The following CLIC5 variants were observed in gnomAD, a reference collection of about 807,000 sequenced individuals.
CLIC5 encodes CLIC family member 5, also known as chloride intracellular channel protein 5.
Under a neutral mutation model 24.7 loss-of-function variants are expected in CLIC5, and 20 were observed. The ratio of observed to expected loss-of-function variants is 0.81; its 90% CI spans 0.57 to 1.18. CLIC5 has a LOEUF of 1.18. CLIC5 is among the 50% of genes most tolerant of loss of function. CLIC5 has a pLI of 0.00. For synonymous variants in CLIC5, 159 were observed against 135.6 expected (o/e 1.17, Z -1.20); for missense variants, 341 against 326.1 (o/e 1.05, Z -0.35).
At chr6:45,938,715 T>G (rs1477686576) in intron 4 of CLIC5, among the ~76,000 whole-genome samples, 1 of 152,186 alleles carries the variant, frequency 6.6e-6, no homozygotes, top group East Asian at 1.9e-4. Context: ...ATAGGAGAAC[T>G]GTAAATATGG....
At chr6:45,896,286 A>G (rs770620688), downstream of CLIC5, among the ~76,000 whole-genome samples, 3 of 152,224 alleles carry the variant, frequency 2.0e-5, no homozygotes, top group Non-Finnish European at 2.9e-5. Flanking sequence ...AGACCTTCCA[A>G]TAGATTGAAT....
intron 1 of CLIC5, among the ~76,000 whole-genome samples, chr6:46,004,728 C>T (rs559921553): frequency 6.6e-6 from 1 of 151,926 alleles, no homozygotes; most frequent in East Asian, 1.9e-4. Flanking sequence ...AGATCAGATC[C>T]CTGTTATATT....
At position 45,914,265 on chromosome 6, in the gene CLIC5, G is replaced by T; in HGVS notation, c.551C>A (p.Ala184Asp). ...GAGCTTGGGCAACAGATTGCAGTCAGCCAGGGTCAGCTCATCCCCATCCAG... is the reference window on the plus strand; with the variant it reads ...GAGCTTGGGCAACAGATTGCAGTCATCCAGGGTCAGCTCATCCCCATCCAG... ...KFLDGDELTL[A>D]DCNLLPKLHV... The change falls in exon 5 of 6, where the codon GCT becomes GAT. Residue 184 changes from alanine to aspartate, a missense_variant. By Grantham distance (126) the Ala-to-Asp change is moderately radical (BLOSUM62 -2). Transcript: ENST00000339561. 1 of 1,607,320 alleles carries T rather than the reference G, an allele frequency of 6.2e-7. No homozygotes were observed. Among genetic ancestry groups the T allele is most frequent in the East Asian group, 2.2e-5 (1 of 44,688 alleles).
intron 5 of CLIC5, among the ~76,000 whole-genome samples, chr6:45,909,031 T>G (rs1412652370): frequency 2.0e-5 from 3 of 151,756 alleles, no homozygotes; most frequent in Non-Finnish European, 4.4e-5. Context: ...TGTAATGCCC[T>G]TCTTTGTTCT....
chr6:46,103,994 G>C, the CLIC5 span, among the ~76,000 whole-genome samples: 1 of 152,100 alleles, frequency 6.6e-6, no homozygotes, highest in Non-Finnish European at 1.5e-5. Context: ...TTGATTAATA[G>C]GAGAAAAGGA....
intron 1 of CLIC5, among the ~76,000 whole-genome samples, chr6:46,057,957 A>G (rs557066487): frequency 6.6e-6 from 1 of 152,248 alleles, no homozygotes; most frequent in African/African-American, 2.4e-5. Flanking sequence ...AAATTCCTAC[A>G]TGACCTTTAC....
intron 1 of CLIC5, among the ~76,000 whole-genome samples, chr6:46,004,355 A>G (rs1438889992): frequency 6.6e-6 from 1 of 152,206 alleles, no homozygotes; most frequent in Non-Finnish European, 1.5e-5. Context: ...GCACAGAGGA[A>G]CAGCCACAGG....
the CLIC5 span, among the ~76,000 whole-genome samples, chr6:46,087,070 A>G: frequency 6.6e-6 from 1 of 152,188 alleles, no homozygotes; most frequent in Non-Finnish European, 1.5e-5. Flanking sequence ...GCTTACTTGC[A>G]TATGATCCCC....
chr6:45,987,149 T>G (rs144429862), intron 1 of CLIC5, among the ~76,000 whole-genome samples: 1 of 152,192 alleles, frequency 6.6e-6, no homozygotes, highest in Admixed American at 6.5e-5. Flanking sequence ...ACTTAGTTGG[T>G]ATGTGGGAAG....
chr6:46,105,616 T>G, the CLIC5 span, among the ~76,000 whole-genome samples: 2 of 152,156 alleles, frequency 1.3e-5, no homozygotes, highest in Non-Finnish European at 2.9e-5. Context: ...CTTAAGAAAC[T>G]CAGAAAAAGG....
the CLIC5 span, among the ~76,000 whole-genome samples, chr6:46,103,263 G>C: frequency 6.6e-6 from 1 of 152,038 alleles, no homozygotes; most frequent in Non-Finnish European, 1.5e-5. Flanking sequence ...AAGATAAATA[G>C]CGACTGAAGG....
intron 1 of CLIC5, among the ~76,000 whole-genome samples, chr6:45,995,879 A>G (rs1243071875): frequency 1.3e-5 from 2 of 152,146 alleles, no homozygotes; most frequent in Admixed American, 1.3e-4. Context: ...ACCAAATGCC[A>G]TATGTTCTCA....
At chr6:46,028,980 C>T (rs977533067) in intron 1 of CLIC5, among the ~76,000 whole-genome samples, 3 of 152,144 alleles carry the variant, frequency 2.0e-5, no homozygotes, top group Non-Finnish European at 4.4e-5. Context: ...TCCTCCCCCA[C>T]CCCCACTAAC....
intron 6 of CLIC5, among the ~76,000 whole-genome samples, chr6:45,886,670 G>C (rs9381407): frequency 0.84 from 127,898 of 152,210 alleles, 53,877 homozygotes; most frequent in East Asian, 0.99. Context: ...CCTCCAGGTG[G>C]TCTTCAGACA....
chr6:45,920,167 T>G, intron 4 of CLIC5: 1 of 978,732 alleles, frequency 1.0e-6, no homozygotes, highest in Non-Finnish European at 1.2e-6. Context: ...CTGCTACCAG[T>G]GCTTGATTTC....
At chr6:46,061,202 T>C (rs2127470198) in intron 1 of CLIC5, among the ~76,000 whole-genome samples, 1 of 152,214 alleles carries the variant, frequency 6.6e-6, no homozygotes, top group Non-Finnish European at 1.5e-5. Flanking sequence ...TGTTTGTTTG[T>C]TTGTTTTAGA....
intron 4 of CLIC5, among the ~76,000 whole-genome samples, chr6:45,939,605 A>G (rs956484428): frequency 6.6e-6 from 1 of 152,136 alleles, no homozygotes; most frequent in Non-Finnish European, 1.5e-5. Context: ...CTATTTCCAA[A>G]TGAGGTCACG....
At chr6:46,103,926 G>A in the CLIC5 span, among the ~76,000 whole-genome samples, 15,029 of 152,084 alleles carry the variant, frequency 0.099, 867 homozygotes, top group East Asian at 0.15. Flanking sequence ...GCCTCTGTTT[G>A]TCTCTCTCTG....
chr6:46,002,011 C>G (rs1274948846), intron 1 of CLIC5, among the ~76,000 whole-genome samples: 1 of 152,136 alleles, frequency 6.6e-6, no homozygotes, highest in Non-Finnish European at 1.5e-5. Flanking sequence ...ACCCCCACCC[C>G]CCACACCAGG....
Sources: gnomAD v4.1 joint callset for allele counts (sites outside exome capture counted in the v4.1 genomes callset) on GRCh38, gnomAD v4.1.1 for gene constraint, MANE v1.5 for transcripts, NCBI Gene and HGNC (gene_info 2026-07-23, HGNC 2026-07-21) for gene names.